NRG1: variants seen among roughly 807,000 people sequenced by gnomAD.
NRG1 encodes pro-neuregulin-1, membrane-bound isoform.
A neutral mutation model predicts 63.8 loss-of-function variants in NRG1; 18 were observed. That is an observed-to-expected ratio of 0.28 (90% CI 0.19 to 0.42). The LOEUF (loss-of-function observed/expected upper bound fraction) is 0.42, where lower values mean the gene tolerates loss of function less well. NRG1 is among the 10% of genes least tolerant of loss of function. The probability of loss-of-function intolerance (pLI) is 1.00; values close to 1 mark genes in which losing one functional copy is unlikely to be tolerated. For synonymous variants in NRG1, 302 were observed against 301.3 expected (o/e 1.00, Z -0.02); for missense variants, 762 against 814.7 (o/e 0.94, Z 0.79).
chr8:32,486,622 G>A (rs1825929334), intron 1 of NRG1, among the ~76,000 whole-genome samples: 1 of 118,444 alleles, frequency 8.4e-6, no homozygotes, highest in Non-Finnish European at 1.7e-5. Flanking sequence ...CTACAGAATT[G>A]CTGGATTTTT....
At chr8:32,548,735 G>C (rs1366669535) in exon 1 of NRG1, 1 of 1,584,298 alleles carries the variant, frequency 6.3e-7, no homozygotes. Flanking sequence ...AGATGTCCGA[G>C]CGCAAAGAAG....
intron 1 of NRG1, among the ~76,000 whole-genome samples, chr8:32,082,883 G>A (rs1827676754): frequency 6.6e-6 from 1 of 151,938 alleles, no homozygotes. Flanking sequence ...AAAAGCTCAA[G>A]GTGCATGCTG....
intron 3 of NRG1, among the ~76,000 whole-genome samples, chr8:32,612,500 G>A (rs186449268): frequency 2.0e-5 from 3 of 152,112 alleles, no homozygotes; most frequent in Admixed American, 2.0e-4. Flanking sequence ...AGGTCTCCAA[G>A]ATAAATACCT....
At position 32,028,334 on chromosome 8, in the gene NRG1, G is replaced by C. The variant is rs147468761; in HGVS notation, c.37+388903G>C. Among the ~76,000 whole-genome samples the C allele has an allele frequency of 2.7e-3, 416 of 152,118 alleles. 3 individuals carry two copies. The highest frequency in any genetic ancestry group is 9.5e-3 in the African/African-American group (396 of 41,496). On this transcript the variant is annotated intron_variant, in intron 1 of 10. Transcript: ENST00000519301. ...GTATTTCTGATATGTATGGTTTATG[G>C]TTCAATGGAAAAATATAAGAATTTT...
At chr8:32,593,136 CA>C (rs1296955809) in intron 1 of NRG1, among the ~76,000 whole-genome samples, 1 of 151,984 alleles carries the variant, frequency 6.6e-6, no homozygotes, top group Non-Finnish European at 1.5e-5. Context: ...CTTGCTGTCT[CA>C]GGGGCAGCAG....
At chr8:31,861,798 A>G (rs1302917288) in intron 1 of NRG1, among the ~76,000 whole-genome samples, 3 of 152,182 alleles carry the variant, frequency 2.0e-5, no homozygotes, top group African/African-American at 7.2e-5. Flanking sequence ...AAATACCATG[A>G]TCCAGTAATG....
intron 5 of NRG1, among the ~76,000 whole-genome samples, chr8:32,678,859 AT>A (rs1807875809): frequency 1.3e-5 from 2 of 151,884 alleles, no homozygotes; most frequent in African/African-American, 2.4e-5. Flanking sequence ...ATTATGAAAG[AT>A]TTTTTTCCTG....
At chr8:31,960,016 G>A (rs1805185924) in intron 1 of NRG1, among the ~76,000 whole-genome samples, 1 of 151,996 alleles carries the variant, frequency 6.6e-6, no homozygotes, top group South Asian at 2.1e-4. Flanking sequence ...GAGCAAAGTG[G>A]AAAGGGAGAA....
chr8:32,281,147 T>C (rs1344510314), intron 1 of NRG1, among the ~76,000 whole-genome samples: 1 of 148,806 alleles, frequency 6.7e-6, no homozygotes, highest in African/African-American at 2.5e-5. Context: ...GTTACCCAGG[T>C]GGTGAGCATA....
intron 1 of NRG1, among the ~76,000 whole-genome samples, chr8:32,253,988 T>G (rs1849405537): frequency 6.6e-6 from 1 of 152,212 alleles, no homozygotes; most frequent in African/African-American, 2.4e-5. Context: ...GAGGTGTTTA[T>G]AGTATTCTCT....
downstream of NRG1, among the ~76,000 whole-genome samples, chr8:32,771,706 T>TGAAAAAAAAA (rs1554673046): frequency 1.2e-5 from 1 of 80,234 alleles, no homozygotes; most frequent in African/African-American, 4.5e-5. Context: ...TCCATTTCTT[T>TGAAAAAAAAA]AAAAAAAAAA....
At chr8:32,258,304 G>A (rs1056660292) in intron 1 of NRG1, among the ~76,000 whole-genome samples, 7 of 152,186 alleles carry the variant, frequency 4.6e-5, no homozygotes, top group Non-Finnish European at 8.8e-5. Flanking sequence ...TTCCCACAGT[G>A]AATGATAACA....
intron 1 of NRG1, among the ~76,000 whole-genome samples, chr8:32,431,836 G>T (rs1317143021): frequency 6.6e-6 from 1 of 151,778 alleles, no homozygotes; most frequent in African/African-American, 2.4e-5. Context: ...AACCATTTTT[G>T]TTCTGATTAT....
At chr8:31,864,432 C>G (rs561470110) in intron 1 of NRG1, among the ~76,000 whole-genome samples, 1 of 152,264 alleles carries the variant, frequency 6.6e-6, no homozygotes, top group South Asian at 2.1e-4. Context: ...AGTCAGGAAG[C>G]CTTTCCTCCA....
intron 1 of NRG1, among the ~76,000 whole-genome samples, chr8:32,255,129 G>T (rs566622829): frequency 6.6e-6 from 1 of 152,120 alleles, no homozygotes; most frequent in African/African-American, 2.4e-5. Flanking sequence ...ACACCAATGG[G>T]TCTTGACTCT....
chr8:32,374,512 A>T (rs1809359106), intron 1 of NRG1, among the ~76,000 whole-genome samples: 1 of 152,202 alleles, frequency 6.6e-6, no homozygotes, highest in African/African-American at 2.4e-5. Flanking sequence ...TGCAAAGAAA[A>T]TGTTGACAAT....
intron 1 of NRG1, among the ~76,000 whole-genome samples, chr8:32,309,420 C>A (rs1856573641): frequency 6.6e-6 from 1 of 152,138 alleles, no homozygotes; most frequent in Non-Finnish European, 1.5e-5. Context: ...CATTCATTGT[C>A]TAAAAAATAT....
At chr8:31,922,238 T>C (rs1585782784) in intron 1 of NRG1, among the ~76,000 whole-genome samples, 1 of 152,152 alleles carries the variant, frequency 6.6e-6, no homozygotes, top group African/African-American at 2.4e-5. Context: ...GCTGTGGTGG[T>C]CAATAGCAGA....
chr8:32,726,475 A>T (rs1196043722), intron 5 of NRG1, among the ~76,000 whole-genome samples: 1 of 152,152 alleles, frequency 6.6e-6, no homozygotes, highest in Non-Finnish European at 1.5e-5. Flanking sequence ...GACTTGAACC[A>T]CATCTGTCTC....
Sources: gnomAD v4.1 joint callset for allele counts (sites outside exome capture counted in the v4.1 genomes callset) on GRCh38, gnomAD v4.1.1 for gene constraint, MANE v1.5 for transcripts, NCBI Gene and HGNC (gene_info 2026-07-23, HGNC 2026-07-21) for gene names.